EVC2: variants seen among roughly 807,000 people sequenced by gnomAD.
The protein encoded by EVC2 is limbin.
In EVC2, 148 loss-of-function variants were observed where a neutral mutation model predicts 149.3. The observed-to-expected ratio is 0.99, with a 90% CI of 0.87 to 1.14. EVC2 has a LOEUF of 1.14. Ranked by LOEUF, EVC2 falls within the 50% of genes most tolerant of loss-of-function variation. The pLI is 0.00. For missense variants in EVC2, 1,854 were observed against 1,627.3 expected, an observed-to-expected ratio of 1.14 and a Z score of -2.40; for synonymous variants, 776 against 649.9, an observed-to-expected ratio of 1.19 and a Z score of -2.95.
chr4:5,585,633 C>A (rs1490105945), intron 16 of EVC2, among the ~76,000 whole-genome samples: 1 of 152,122 alleles, frequency 6.6e-6, no homozygotes, highest in Non-Finnish European at 1.5e-5. Context: ...ATAACCTGCA[C>A]ATATTTACAG....
intron 20 of EVC2, 94 bp downstream of exon 20, chr4:5,568,350 A>C: frequency 7.8e-7 from 1 of 1,278,796 alleles, no homozygotes; most frequent in Non-Finnish European, 1.1e-6. Context: ...AAAAGTATGG[A>C]CAAAATACAT....
In EVC2 at chr4:5,614,700, A is replaced by G. The variant is rs1198927603; in HGVS notation, c.2829+722T>C. On this transcript the variant is annotated intron_variant, in intron 16 of 21. Transcript: ENST00000344408. The surrounding 1 kb of genome is among the most constrained non-coding windows in gnomAD (Gnocchi z 4.7). Reference sequence around the variant, plus strand: ...ATCACGTATGAAATGGGGCTGGGCCAGGCACAGTGCCTCACGCCTGTAATC... The same window carrying G: ...ATCACGTATGAAATGGGGCTGGGCCGGGCACAGTGCCTCACGCCTGTAATC... Among the ~76,000 whole-genome samples, 1 of 152,164 alleles carries G rather than the reference A, an allele frequency of 6.6e-6. No homozygotes were observed. The highest frequency in any genetic ancestry group is 1.9e-4 in the East Asian group (1 of 5,184).
intron 9 of EVC2, among the ~76,000 whole-genome samples, chr4:5,655,459 T>C (rs1718455022): frequency 6.6e-6 from 1 of 152,136 alleles, no homozygotes; most frequent in Non-Finnish European, 1.5e-5. Flanking sequence ...CTACCACCCC[T>C]GTGTCCAGCC....
At chr4:5,606,582 C>A (rs142185634) in intron 16 of EVC2, among the ~76,000 whole-genome samples, 416 of 152,124 alleles carry the variant, frequency 2.7e-3, no homozygotes, top group African/African-American at 8.8e-3. Flanking sequence ...AATCCAGTAC[C>A]CAACACATGA....
rs1232676084 is a variant in EVC2, at chr4:5,633,076, TA to T, written c.1471-1045del. On this transcript the variant is annotated intron_variant, in intron 10 of 21. Coordinates refer to ENST00000344408, the MANE Select transcript of EVC2 (RefSeq NM_147127.5). The surrounding 1 kb of genome is among the most constrained non-coding windows in gnomAD (Gnocchi z 4.4). The stretch of plus-strand genomic sequence containing the variant: ...ACTCTCCTGGGTGGGCCTGACTCCT[TA>T]AAAGAAGCATTGGAGCCTTCCTAAA... 1.3e-5 allele frequency among the ~76,000 whole-genome samples: 2 copies of T among 152,146 alleles called. No individual in the cohort carries two copies. Among genetic ancestry groups the T allele is most frequent in the African/African-American group, 4.8e-5 (2 of 41,418 alleles).
chr4:5,631,762 C>G (rs1577183254), intron 11 of EVC2, 31 bp downstream of exon 11: 1 of 1,611,690 alleles, frequency 6.2e-7, no homozygotes, highest in Middle Eastern at 1.7e-4. Flanking sequence ...AGAAAAATTA[C>G]TTTTCCATCA....
chr4:5,542,136 C>A (rs939908579), downstream of EVC2, among the ~76,000 whole-genome samples: 1 of 152,166 alleles, frequency 6.6e-6, no homozygotes, highest in African/African-American at 2.4e-5. Flanking sequence ...TCACCAGTAT[C>A]TGACCATGCC....
chr4:5,647,913 T>C (rs918866422), intron 9 of EVC2, among the ~76,000 whole-genome samples: 5 of 152,194 alleles, frequency 3.3e-5, no homozygotes, highest in Non-Finnish European at 7.3e-5. Context: ...ATAGGAGTGA[T>C]GACACCAGCT....
At chr4:5,671,941 G>T (rs1202601866) in intron 7 of EVC2, among the ~76,000 whole-genome samples, 4 of 152,216 alleles carry the variant, frequency 2.6e-5, no homozygotes, top group African/African-American at 7.2e-5. Context: ...GTTTGACCCC[G>T]TGTTTGGATG....
intron 21 of EVC2, among the ~76,000 whole-genome samples, chr4:5,549,587 C>T (rs913809101): frequency 1.3e-5 from 2 of 152,200 alleles, no homozygotes; most frequent in Admixed American, 6.5e-5. Context: ...GATACAGTCT[C>T]CATTTTACAA....
intron 6 of EVC2, among the ~76,000 whole-genome samples, chr4:5,683,921 A>AAC (rs557615378): frequency 6.7e-6 from 1 of 148,730 alleles, no homozygotes; most frequent in African/African-American, 2.5e-5. Flanking sequence ...GCTGCCCGGG[A>AAC]ACACACACAC....
At chr4:5,665,485 C>G (rs370584761) in intron 8 of EVC2, 30 bp downstream of exon 8, 1 of 1,613,830 alleles carries the variant, frequency 6.2e-7, no homozygotes, top group Non-Finnish European at 8.5e-7. Context: ...ACATTCACCA[C>G]CTTCCAAACC....
In EVC2 at chr4:5,696,813, C is replaced by T. The variant is rs1404517929; in HGVS notation, c.283+780G>A. ...GTTGAATTTCGACCACTGAGTGTGGCAAGCTGAATAAAGGTCCGCAAAGAC... is the reference window on the plus strand; with the variant it reads ...GTTGAATTTCGACCACTGAGTGTGGTAAGCTGAATAAAGGTCCGCAAAGAC... On this transcript the variant is annotated intron_variant, in intron 2 of 21. Transcript: ENST00000344408. This position sits in a 1 kb window ranked among gnomAD's most constrained non-coding sequence, Gnocchi z 4.1. Among the ~76,000 whole-genome samples the T allele has an allele frequency of 1.3e-5, 2 of 152,154 alleles. No individual in the cohort carries two copies. Among genetic ancestry groups the T allele is most frequent in the South Asian group, 2.1e-4 (1 of 4,828 alleles).
chr4:5,550,427 C>A (rs529594805), intron 21 of EVC2, among the ~76,000 whole-genome samples: 1 of 152,212 alleles, frequency 6.6e-6, no homozygotes, highest in African/African-American at 2.4e-5. Flanking sequence ...TGGCATTTTG[C>A]CCCTATCCTA....
intron 3 of EVC2, 93 bp from the exon 4 acceptor site, chr4:5,691,426 G>A: frequency 9.7e-7 from 1 of 1,035,768 alleles, no homozygotes; most frequent in Non-Finnish European, 1.5e-6. Flanking sequence ...TTTTACAGAG[G>A]GTAGAAAGAT....
At chr4:5,581,360 A>T (rs959404638) in intron 17 of EVC2, among the ~76,000 whole-genome samples, 14 of 152,194 alleles carry the variant, frequency 9.2e-5, no homozygotes, top group Non-Finnish European at 2.1e-4. Context: ...CATTGTTGTG[A>T]CCAAAATGCT....
rs746688755 is a variant in EVC2, at chr4:5,574,709, G to A, written c.3336C>T (p.Asp1112=). 5.0e-6 allele frequency: 8 copies of A among 1,614,092 alleles called. No homozygotes were observed. In the South Asian group the frequency reaches 8.8e-5, roughly 18 times the overall value. Residue 1112 remains aspartate (D), a synonymous_variant, in exon 19 of 22, where the codon GAC becomes GAT. Transcript: ENST00000344408. ...CCTGGCTGCACAGGGTTGCAAAGGT[G>A]TCTGCCTCCATGTTTTCCAACAAGT... ...LEDLLENMEA[D]TFATLCSQEL...
intron 6 of EVC2, among the ~76,000 whole-genome samples, chr4:5,681,975 G>A (rs1210645287): frequency 6.6e-6 from 1 of 152,182 alleles, no homozygotes; most frequent in Non-Finnish European, 1.5e-5. Flanking sequence ...GGGCCCCACT[G>A]CTCACCAGCA....
At chr4:5,624,583 T>C (rs943939299) in intron 13 of EVC2, among the ~76,000 whole-genome samples, 2 of 152,212 alleles carry the variant, frequency 1.3e-5, no homozygotes, top group African/African-American at 4.8e-5. Flanking sequence ...CAAGAAATAA[T>C]ATTCACAGAA....
Sources: allele counts gnomAD v4.1 joint callset (sites outside exome capture counted in the v4.1 genomes callset), GRCh38; gene constraint gnomAD v4.1.1; non-coding constraint Gnocchi (gnomAD v3.1); transcripts MANE v1.5; gene names NCBI Gene and HGNC (gene_info 2026-07-23, HGNC 2026-07-21).